Variants in TYR observed in about 807,000 individuals in gnomAD.
The protein encoded by TYR is LB24-AB.
TYR carries 58 observed loss-of-function variants against 51.5 expected under a neutral mutation model. The observed-to-expected ratio is 1.13, with a 90% CI of 0.91 to 1.40. The LOEUF (loss-of-function observed/expected upper bound fraction) is 1.40. Among genes scored for constraint, TYR ranks in the 40% most tolerant of loss-of-function variants. The pLI, the probability that TYR is intolerant of heterozygous loss-of-function variation, is 0.00. For missense variants in TYR, 732 were observed against 647.4 expected, an observed-to-expected ratio of 1.13 and a Z score of -1.42; for synonymous variants, 263 against 235.2, an observed-to-expected ratio of 1.12 and a Z score of -1.08.
intron 3 of TYR, among the ~76,000 whole-genome samples, chr11:89,230,795 T>C (rs969638219): frequency 1.3e-5 from 2 of 151,128 alleles, no homozygotes; most frequent in African/African-American, 4.9e-5. Flanking sequence ...ACATCACTAA[T>C]CATCAGGAAA....
chr11:89,270,699 A>T (rs923918781), intron 3 of TYR, among the ~76,000 whole-genome samples: 2 of 151,948 alleles, frequency 1.3e-5, no homozygotes, highest in African/African-American at 4.8e-5. Flanking sequence ...AAAAAATTTA[A>T]TCTTAAATAA....
At chr11:89,232,798 A>G (rs1944068174) in intron 3 of TYR, among the ~76,000 whole-genome samples, 1 of 143,788 alleles carries the variant, frequency 7.0e-6, no homozygotes, top group Admixed American at 6.9e-5. Flanking sequence ...AAAGCAATTT[A>G]TATACCTTAA....
chr11:89,263,887 G>A (rs1944492304), intron 3 of TYR, among the ~76,000 whole-genome samples: 1 of 152,018 alleles, frequency 6.6e-6, no homozygotes, highest in African/African-American at 2.4e-5. Flanking sequence ...CAGATTGGAA[G>A]ACTTAACTAT....
intron 2 of TYR, among the ~76,000 whole-genome samples, chr11:89,227,235 T>A (rs1033118877): frequency 6.6e-6 from 1 of 152,162 alleles, no homozygotes; most frequent in Non-Finnish European, 1.5e-5. Context: ...CTGTTGCTGA[T>A]GCAATAAATG....
chr11:89,191,974 C>T lies in TYR; in HGVS notation c.1036+556C>T, dbSNP rs562496773. 13 of 434,536 alleles carry T rather than the reference C, an allele frequency of 3.0e-5. No individual in the cohort carries two copies. In the East Asian group the frequency reaches 5.8e-4, roughly 19 times the overall value. 26.9% of individuals were successfully genotyped at this position (434,536 alleles called of 1,614,324 possible). ...TCTGTGGACTGATACTATTTTCCTA[C>T]GTTTTAGTGTTTTAGTTTTCTCCTG... On this transcript the variant is annotated intron_variant, in intron 2 of 4. Coordinates refer to ENST00000263321, the MANE Select transcript of TYR (RefSeq NM_000372.5).
At chr11:89,242,852 G>T (rs1416188110) in intron 3 of TYR, among the ~76,000 whole-genome samples, 1 of 152,130 alleles carries the variant, frequency 6.6e-6, no homozygotes, top group Admixed American at 6.5e-5. Context: ...CATCTAAAAT[G>T]CTCTCTATAA....
chr11:89,190,102 A>G (rs1943422900), intron 1 of TYR, among the ~76,000 whole-genome samples: 1 of 152,188 alleles, frequency 6.6e-6, no homozygotes, highest in Non-Finnish European at 1.5e-5. Flanking sequence ...ATACTTGATA[A>G]TGATAATAAA....
chr11:89,283,819 G>GT (rs979920488), intron 3 of TYR: 1 of 151,540 alleles, frequency 6.6e-6, no homozygotes, highest in African/African-American at 2.4e-5. Context: ...TAATTTTTTA[G>GT]TTTTTTTCCA....
At chr11:89,199,934 C>T (rs1055681760) in intron 2 of TYR, among the ~76,000 whole-genome samples, 2 of 152,180 alleles carry the variant, frequency 1.3e-5, no homozygotes, top group African/African-American at 2.4e-5. Flanking sequence ...AATAATAATA[C>T]ACCTTTTCTA....
intron 3 of TYR, among the ~76,000 whole-genome samples, chr11:89,250,450 A>C (rs1279809140): frequency 2.0e-5 from 3 of 151,900 alleles, no homozygotes; most frequent in Admixed American, 6.6e-5. Context: ...ATCAATTAGG[A>C]AGTAACTGAT....
At chr11:89,252,764 A>G (rs946400584) in intron 3 of TYR, among the ~76,000 whole-genome samples, 3 of 151,796 alleles carry the variant, frequency 2.0e-5, no homozygotes, top group Non-Finnish European at 2.9e-5. Context: ...TGTACAGGAG[A>G]ATAAGATCGG....
At chr11:89,214,103 T>C (rs190572250) in intron 2 of TYR, among the ~76,000 whole-genome samples, 40 of 152,230 alleles carry the variant, frequency 2.6e-4, no homozygotes, top group African/African-American at 9.6e-4. Context: ...AATTAAACTA[T>C]AGATGGTTCT....
intron 3 of TYR, among the ~76,000 whole-genome samples, chr11:89,252,650 C>T (rs866121895): frequency 1.3e-5 from 2 of 151,696 alleles, no homozygotes. Flanking sequence ...AAACAAAGTA[C>T]TGATTCAGAA....
At chr11:89,292,484 A>G (rs1297904041) in intron 4 of TYR, among the ~76,000 whole-genome samples, 1 of 152,106 alleles carries the variant, frequency 6.6e-6, no homozygotes, top group African/African-American at 2.4e-5. Flanking sequence ...ATGTGGTTTG[A>G]AGGAATATAA....
At chr11:89,203,796 G>A (rs1943632134) in intron 2 of TYR, among the ~76,000 whole-genome samples, 1 of 152,114 alleles carries the variant, frequency 6.6e-6, no homozygotes, top group Non-Finnish European at 1.5e-5. Flanking sequence ...ACCAACAAAA[G>A]CCTTCTCTCT....
At chr11:89,255,582 T>C (rs1367782975) in intron 3 of TYR, among the ~76,000 whole-genome samples, 2 of 151,800 alleles carry the variant, frequency 1.3e-5, no homozygotes, top group African/African-American at 2.4e-5. Flanking sequence ...TCAATTGGTT[T>C]AATAAATTTA....
rs1249646957 is a variant in TYR, at chr11:89,227,828, G to C, written c.1042G>C (p.Ala348Pro). The C allele has an allele frequency of 6.2e-7, 1 of 1,612,132 alleles. No individual in the cohort carries two copies. The highest frequency in any genetic ancestry group is 8.5e-7 in the Non-Finnish European group (1 of 1,179,366). Residue 348 changes from alanine (A) to proline (P), a missense_variant, in exon 3 of 5, where the codon GCT (alanine) becomes CCT (proline). By Grantham distance (27) the Ala-to-Pro change is conservative (BLOSUM62 -1). Transcript: ENST00000263321. ...FSFRNTLEGF[A>P]SPLTGIADAS... ...CATTTTTTTTTAATGAACAGGATTTGCTAGTCCACTTACTGGGATAGCGGA... is the reference window on the plus strand; with the variant it reads ...CATTTTTTTTTAATGAACAGGATTTCCTAGTCCACTTACTGGGATAGCGGA...
intron 2 of TYR, among the ~76,000 whole-genome samples, chr11:89,224,920 G>A (rs1023730490): frequency 8.0e-6 from 1 of 125,402 alleles, no homozygotes; most frequent in African/African-American, 3.9e-5. Context: ...GGATCAAATT[G>A]TAAAAACTAT....
chr11:89,252,778 C>T (rs546155023), intron 3 of TYR, among the ~76,000 whole-genome samples: 71 of 151,678 alleles, frequency 4.7e-4, no homozygotes, highest in African/African-American at 1.3e-3. Flanking sequence ...AGATCGGGGA[C>T]GTAATGAGGC....
Sources: allele counts gnomAD v4.1 joint callset (sites outside exome capture counted in the v4.1 genomes callset), GRCh38; gene constraint gnomAD v4.1.1; transcripts MANE v1.5; gene names NCBI Gene and HGNC (gene_info 2026-07-23, HGNC 2026-07-21).